BCOR: variants seen among roughly 807,000 people sequenced by gnomAD.
The protein encoded by BCOR is BCL6 corepressor, also known as BCL-6 corepressor.
BCOR carries 10 observed loss-of-function variants against 86.7 expected under a neutral mutation model. That is an observed-to-expected ratio of 0.12 (90% CI 0.07 to 0.20). The LOEUF (loss-of-function observed/expected upper bound fraction) is 0.20, where lower values mean the gene tolerates loss of function less well. Ranked by LOEUF, BCOR falls within the 10% of genes least tolerant of loss-of-function variation. The probability of loss-of-function intolerance (pLI) is 1.00; values close to 1 mark genes in which losing one functional copy is unlikely to be tolerated. For missense variants in BCOR, 1,259 were observed against 1,452.1 expected, an observed-to-expected ratio of 0.87 and a Z score of 2.16; for synonymous variants, 611 against 609.0, an observed-to-expected ratio of 1.00 and a Z score of -0.05.
intron 1 of BCOR, among the ~76,000 whole-genome samples, chrX:40,108,449 G>A (rs1356647728): frequency 8.8e-6 from 1 of 113,705 alleles, no homozygotes; most frequent in African/African-American, 3.2e-5. Flanking sequence ...GACCAGGGGA[G>A]GGAGCGGCGG....
Position 40,072,367 on chromosome X carries a change from C to A in BCOR, c.2979G>T (p.Arg993=), listed in dbSNP as rs1474833694. The change falls in exon 4 of 15, where the codon CGG becomes CGT. Residue 993 remains arginine, a synonymous_variant. Coordinates refer to ENST00000378444, the MANE Select transcript of BCOR (RefSeq NM_001123385.2). ...GGCTCACCTGCAATGCCCGTTGCTC[C>A]CGGCTGAGCTGACTGGAATCTGCAT... ...ELYADSSQLS[R]EQRALQMEGL... 8.3e-7 allele frequency: 1 copy of A among 1,209,540 alleles called. No individual in the cohort carries two copies. Among genetic ancestry groups the A allele is most frequent in the Non-Finnish European group, 1.1e-6 (1 of 894,467 alleles).
chrX:40,162,831 C>A (rs2148014231), intron 1 of BCOR, among the ~76,000 whole-genome samples: 1 of 112,034 alleles, frequency 8.9e-6, no homozygotes, highest in South Asian at 3.7e-4. Flanking sequence ...AATAAACTAG[C>A]AGATCAAATA....
chrX:40,173,165 G>C (rs1409402771), intron 1 of BCOR, among the ~76,000 whole-genome samples: 1 of 112,009 alleles, frequency 8.9e-6, no homozygotes, highest in African/African-American at 3.2e-5. Flanking sequence ...CAAAACGCTA[G>C]AGAGGCAACA....
chrX:40,080,512 C>T (rs1341957585), intron 1 of BCOR, among the ~76,000 whole-genome samples: 2 of 111,367 alleles, frequency 1.8e-5, no homozygotes, highest in Admixed American at 9.5e-5. Flanking sequence ...AAGGACCTCC[C>T]GGCACCTTCT....
At chrX:40,067,369 C>T (rs2147121017) in intron 6 of BCOR, among the ~76,000 whole-genome samples, 1 of 111,849 alleles carries the variant, frequency 8.9e-6, no homozygotes, top group South Asian at 3.8e-4. Flanking sequence ...GTGGGGAGGG[C>T]TCCCCTGCAC....
chrX:40,063,988 C>A, intron 7 of BCOR, 36 bp from the exon 8 acceptor site: 2 of 1,050,647 alleles, frequency 1.9e-6, no homozygotes, highest in South Asian at 2.1e-5. Context: ...ATCAAAAAGC[C>A]CCCCGGGGGG....
chrX:40,152,084 T>A (rs1476374811), intron 1 of BCOR, among the ~76,000 whole-genome samples: 2 of 110,224 alleles, frequency 1.8e-5, no homozygotes, highest in African/African-American at 6.6e-5. Flanking sequence ...TGGAGAGAAG[T>A]TCACTGGGCA....
chrX:40,161,506 CTTTTTTTTT>C (rs749528691), intron 1 of BCOR, among the ~76,000 whole-genome samples: 53 of 55,989 alleles, frequency 9.5e-4, no homozygotes, highest in African/African-American at 3.4e-3. Flanking sequence ...CGATTCTCCC[CTTTTTTTTT>C]TTTTTTTTTT....
In BCOR at chrX:40,062,754, C is replaced by G; in HGVS notation, c.4165G>C (p.Asp1389His). 4.1e-6 allele frequency: 5 copies of G among 1,209,823 alleles called. No individual in the cohort carries two copies. The highest frequency in any genetic ancestry group is 5.6e-6 in the Non-Finnish European group (5 of 894,174). ...LTGEYYVENA[D>H]GKVTVRRFRK... ...CCGGGGTCAAGAGGTACCTTGCCAT[C>G]GGCATTCTCCACGTAGTATTCCCCT... is the stretch of plus-strand genomic sequence containing the variant. Residue 1389 changes from aspartate to histidine, a missense_variant, in exon 9 of 15, where the codon GAT becomes CAT. By Grantham distance (81) the Asp-to-His change is moderately conservative. Around this residue, in one of 7 missense-constraint regions of BCOR, gnomAD observed 305 missense variants for 286.1 expected, o/e 1.07. Transcript: ENST00000378444.
chrX:40,065,092 G>C (rs1458322698), intron 6 of BCOR, among the ~76,000 whole-genome samples: 1 of 111,507 alleles, frequency 9.0e-6, no homozygotes, highest in Non-Finnish European at 1.9e-5. Flanking sequence ...TATTCACCTA[G>C]GCCAACCGGG....
At chrX:40,090,246 A>T (rs1356724598) in intron 1 of BCOR, among the ~76,000 whole-genome samples, 1 of 113,210 alleles carries the variant, frequency 8.8e-6, no homozygotes, top group Non-Finnish European at 1.9e-5. Flanking sequence ...CCGAGTGTGC[A>T]GGGGCCTCGG....
intron 1 of BCOR, among the ~76,000 whole-genome samples, chrX:40,150,065 G>A (rs985063188): frequency 8.9e-6 from 1 of 112,736 alleles, no homozygotes; most frequent in Non-Finnish European, 1.9e-5. Context: ...GCCAGGAGAA[G>A]AGCAAGCTCC....
At chrX:40,063,110 G>GGGGGGGGGGGGGGGGGT in intron 8 of BCOR, 39 bp from the exon 9 acceptor site, 1 of 644,552 alleles carries the variant, frequency 1.6e-6, no homozygotes, top group Non-Finnish European at 2.2e-6. Context: ...GGGCGGATGG[G>GGGGGGGGGGGGGGGGGT]AGACGGGAGA....
At chrX:40,114,849 CTTTT>C (rs763376608) in intron 1 of BCOR, among the ~76,000 whole-genome samples, 1 of 85,108 alleles carries the variant, frequency 1.2e-5, no homozygotes, top group Non-Finnish European at 2.2e-5. Flanking sequence ...TTACCATTCA[CTTTT>C]TTTTTTTTTT....
At chrX:40,102,370 G>A (rs886759692), upstream of BCOR, among the ~76,000 whole-genome samples, 3 of 113,231 alleles carry the variant, frequency 2.6e-5, no homozygotes, top group Non-Finnish European at 5.6e-5. Context: ...CCCGCAGGGT[G>A]GTTGGGTGTC....
chrX:40,069,966 C>G (rs1190733261), intron 6 of BCOR, among the ~76,000 whole-genome samples: 1 of 112,366 alleles, frequency 8.9e-6, no homozygotes, highest in South Asian at 3.7e-4. Flanking sequence ...TGGCCTTAGT[C>G]TGCTCCCAGG....
At chrX:40,157,428 T>C (rs1269843592) in intron 1 of BCOR, among the ~76,000 whole-genome samples, 1 of 112,298 alleles carries the variant, frequency 8.9e-6, no homozygotes, top group African/African-American at 3.2e-5. Context: ...AAGGCTGGTG[T>C]GGCTGCTGCC....
At chrX:40,103,636 T>C (rs150911266) in intron 1 of BCOR, among the ~76,000 whole-genome samples, 451 of 105,377 alleles carry the variant, frequency 4.3e-3, no homozygotes, top group African/African-American at 0.017. Flanking sequence ...GGGGAAAGAA[T>C]AAATTCTGCC....
upstream of BCOR, among the ~76,000 whole-genome samples, chrX:40,098,404 C>T (rs1273975877): frequency 2.7e-5 from 3 of 110,510 alleles, no homozygotes; most frequent in Admixed American, 2.8e-4. Flanking sequence ...ACGTCCTGGG[C>T]GAGCCGGAGA....
Sources: allele counts gnomAD v4.1 joint callset (sites outside exome capture counted in the v4.1 genomes callset), GRCh38; gene constraint gnomAD v4.1.1; regional missense constraint gnomAD v4.1.1; transcripts MANE v1.5; gene names NCBI Gene and HGNC (gene_info 2026-07-23, HGNC 2026-07-21).